ZNF626: variants seen among roughly 807,000 people sequenced by gnomAD.
ZNF626 encodes the protein CTC-513N18.7.
ZNF626 carries 4 observed loss-of-function variants against 11.7 expected under a neutral mutation model. The observed-to-expected ratio is 0.34, with a 90% CI of 0.17 to 0.78. ZNF626 has a LOEUF of 0.78. Ranked by LOEUF, ZNF626 falls within the 30% of genes least tolerant of loss-of-function variation. The probability of loss-of-function intolerance (pLI) is 0.57; values close to 1 mark genes in which losing one functional copy is unlikely to be tolerated. For synonymous variants in ZNF626, 179 were observed against 198.6 expected (o/e 0.90, Z 0.83); for missense variants, 588 against 587.1 (o/e 1.00, Z -0.01).
chr19:20,646,244 C>A, intron 2 of ZNF626, 35 bp downstream of exon 2: 1 of 1,557,626 alleles, frequency 6.4e-7, no homozygotes, highest in Non-Finnish European at 8.6e-7. Flanking sequence ...TAAATAAAAT[C>A]TATAGGGTAT....
intron 3 of ZNF626, among the ~76,000 whole-genome samples, chr19:20,643,185 A>G (rs539800720): frequency 6.6e-6 from 1 of 152,278 alleles, no homozygotes; most frequent in South Asian, 2.1e-4. Context: ...TTAGCATTTA[A>G]AAGAAACTGG....
intron 3 of ZNF626, among the ~76,000 whole-genome samples, chr19:20,626,845 T>A (rs1287832907): frequency 6.6e-6 from 1 of 151,994 alleles, no homozygotes; most frequent in East Asian, 1.9e-4. Flanking sequence ...TAAAAACCCA[T>A]CTCTGCTAAA....
intron 3 of ZNF626, among the ~76,000 whole-genome samples, chr19:20,627,101 T>G (rs1969844375): frequency 6.6e-6 from 1 of 150,584 alleles, no homozygotes; most frequent in Admixed American, 6.6e-5. Flanking sequence ...AGGATAATAA[T>G]AAGAAATATT....
chr19:20,646,418 C>T lies in ZNF626; in HGVS notation c.4-13G>A, dbSNP rs1334677642. 58 of 1,613,648 alleles carry T rather than the reference C, an allele frequency of 3.6e-5. No individual in the cohort carries two copies. Among genetic ancestry groups the T allele is most frequent in the Non-Finnish European group, 4.8e-5 (57 of 1,179,824 alleles). On this transcript the variant is annotated splice_polypyrimidine_tract_variant and intron_variant, in intron 1 of 3. Transcript: ENST00000601440. ...ATTGCAATGGTCCCTGAAAAACACA[C>T]ACACACACATTTTTACCAAGTGGCC...
intron 3 of ZNF626, among the ~76,000 whole-genome samples, chr19:20,633,168 G>A (rs1166996235): frequency 1.3e-5 from 2 of 152,076 alleles, no homozygotes; most frequent in Non-Finnish European, 2.9e-5. Flanking sequence ...AGGAGTACCC[G>A]GCCGTGTCAG....
chr19:20,655,879 G>A (rs1970199312), intron 1 of ZNF626, among the ~76,000 whole-genome samples: 1 of 151,836 alleles, frequency 6.6e-6, no homozygotes, highest in Non-Finnish European at 1.5e-5. Context: ...AGGTTGCAGT[G>A]AGCCGAGATC....
chr19:20,624,792 A>G lies in ZNF626; in HGVS notation c.1085T>C (p.Ile362Thr), dbSNP rs1555769285. 6.2e-6 allele frequency: 10 copies of G among 1,613,188 alleles called. No individual in the cohort carries two copies. The highest frequency in any genetic ancestry group is 8.5e-6 in the Non-Finnish European group (10 of 1,179,862). The change falls in exon 4 of 4, where the codon ATT (isoleucine) becomes ACT (threonine). Residue 362 changes from isoleucine to threonine, a missense_variant. Coordinates refer to ENST00000601440, the MANE Select transcript of ZNF626 (RefSeq NM_001076675.3). ...YSSTLTTHKR[I>T]HTGEKPYKCE... is the part of the protein sequence containing the mutation. ...TTTGTAGGGTTTCTCTCCAGTATGA[A>G]TTCTCTTATGTGTAGTAAGGGTAGA...
intron 1 of ZNF626, 91 bp from the exon 2 acceptor site, chr19:20,646,496 T>C: frequency 6.2e-7 from 1 of 1,600,750 alleles, no homozygotes; most frequent in Non-Finnish European, 8.5e-7. Flanking sequence ...TAAAGAGAAC[T>C]GGTTCTGACT....
rs529203181 is a variant in ZNF626, at chr19:20,623,968, T to C, written c.*322A>G. 1,157 of 483,118 alleles carry C rather than the reference T, an allele frequency of 2.4e-3. 17 individuals carry two copies. Among genetic ancestry groups the C allele is most frequent in the African/African-American group, 0.021 (1,064 of 50,424 alleles). The allele number at this position is 483,118 out of a possible 1,614,324, so 29.9% of individuals were successfully genotyped here. ...GTTTATATTTCATATCAATTCTTAG[T>C]TAGAAATTGAGGGCTGGTTAAAAGA... is the stretch of plus-strand genomic sequence containing the variant. On this transcript the variant is annotated 3_prime_UTR_variant, in exon 4 of 4. Transcript: ENST00000601440.
At chr19:20,640,033 A>C (rs1413556376) in intron 3 of ZNF626, among the ~76,000 whole-genome samples, 1 of 152,150 alleles carries the variant, frequency 6.6e-6, no homozygotes, top group Non-Finnish European at 1.5e-5. Flanking sequence ...TCTGTATATG[A>C]TGAAATGATC....
chr19:20,645,583 G>T, intron 3 of ZNF626, 101 bp downstream of exon 3: 1 of 1,553,306 alleles, frequency 6.4e-7, no homozygotes, highest in South Asian at 1.2e-5. Flanking sequence ...ATTTCCTTTG[G>T]AACACAGCTC....
At chr19:20,650,971 G>A (rs1555772538) in intron 1 of ZNF626, among the ~76,000 whole-genome samples, 1 of 152,006 alleles carries the variant, frequency 6.6e-6, no homozygotes, top group African/African-American at 2.4e-5. Context: ...GGTGGATCAC[G>A]AGGTCAGGAG....
chr19:20,646,447 G>T (rs1970079677), intron 1 of ZNF626, 42 bp from the exon 2 acceptor site: 2 of 1,612,886 alleles, frequency 1.2e-6, no homozygotes, highest in African/African-American at 2.7e-5. Flanking sequence ...AGTGGCCATG[G>T]GCGGAATTTT....
intron 3 of ZNF626, among the ~76,000 whole-genome samples, chr19:20,641,109 G>A (rs186716054): frequency 8.9e-5 from 13 of 145,952 alleles, no homozygotes; most frequent in Middle Eastern, 3.5e-3. Context: ...GCACTCTAGC[G>A]TGGGTGACAG....
intron 3 of ZNF626, among the ~76,000 whole-genome samples, chr19:20,627,907 C>T (rs898007767): frequency 6.6e-6 from 1 of 152,178 alleles, no homozygotes; most frequent in African/African-American, 2.4e-5. Context: ...TTAGGTGTAT[C>T]TCCCAATGCT....
chr19:20,656,565 T>C (rs995319205), intron 1 of ZNF626, among the ~76,000 whole-genome samples: 10 of 152,162 alleles, frequency 6.6e-5, no homozygotes, highest in Non-Finnish European at 1.0e-4. Context: ...ACATACAGAA[T>C]TTATTAAGAA....
At position 20,631,497 on chromosome 19, in the gene ZNF626, T is replaced by C. The variant is rs1451673735; in HGVS notation, c.227-5847A>G. 8.2e-4 allele frequency among the ~76,000 whole-genome samples: 125 copies of C among 151,708 alleles called. 1 individual carries two copies. Among genetic ancestry groups the C allele is most frequent in the African/African-American group, 3.0e-3 (122 of 41,286 alleles). On this transcript the variant is annotated intron_variant, in intron 3 of 3. Coordinates refer to ENST00000601440, the MANE Select transcript of ZNF626 (RefSeq NM_001076675.3). ...GTATTGGGTGCATATATATTTAGGA[T>C]AGTTAGCTCTTCTTGTTGAATTGAT... is the stretch of plus-strand genomic sequence containing the variant.
intron 3 of ZNF626, among the ~76,000 whole-genome samples, chr19:20,643,892 C>T (rs1490801865): frequency 6.6e-6 from 1 of 152,130 alleles, no homozygotes; most frequent in African/African-American, 2.4e-5. Flanking sequence ...AGCTGAAGTT[C>T]GAGACGTGTT....
In ZNF626 at chr19:20,622,215, A is replaced by G. The variant is rs1007168147; in HGVS notation, c.*2075T>C. ...CAAAAGAAAAGTTAAGTAAGTAAAT[A>G]AAATATAAGTTAAGTTCACACATCA... On this transcript the variant is annotated 3_prime_UTR_variant, in exon 4 of 4. Coordinates refer to ENST00000601440, the MANE Select transcript of ZNF626 (RefSeq NM_001076675.3). 1 of 152,078 alleles carries G rather than the reference A, an allele frequency of 6.6e-6. No individual in the cohort carries two copies. Among genetic ancestry groups the G allele is most frequent in the South Asian group, 2.1e-4 (1 of 4,826 alleles). 9.4% of individuals were successfully genotyped at this position (152,078 alleles called of 1,614,324 possible). A position where few individuals can be genotyped will look rare whatever the true frequency, so the allele number is the denominator to read the frequency against.
Sources: allele counts gnomAD v4.1 joint callset (sites outside exome capture counted in the v4.1 genomes callset), GRCh38; gene constraint gnomAD v4.1.1; transcripts MANE v1.5; gene names NCBI Gene and HGNC (gene_info 2026-07-23, HGNC 2026-07-21).